The following PLEKHG1 variants were observed in gnomAD, a reference collection of about 807,000 sequenced individuals.
The protein encoded by PLEKHG1 is pleckstrin homology and RhoGEF domain containing G1, also known as pleckstrin homology domain-containing family G member 1.
In PLEKHG1, 44 loss-of-function variants were observed where a neutral mutation model predicts 100.8. That is an observed-to-expected ratio of 0.44 (90% CI 0.34 to 0.56). The LOEUF (loss-of-function observed/expected upper bound fraction) is 0.56, where lower values mean the gene tolerates loss of function less well. PLEKHG1 is among the 20% of genes least tolerant of loss of function. The pLI, the probability that PLEKHG1 is intolerant of heterozygous loss-of-function variation, is 0.01. For missense variants in PLEKHG1, 1,545 were observed against 1,720.9 expected, an observed-to-expected ratio of 0.90 and a Z score of 1.81; for synonymous variants, 640 against 662.5, an observed-to-expected ratio of 0.97 and a Z score of 0.52.
chr6:150,761,776 A>G (rs1041399377), intron 2 of PLEKHG1, among the ~76,000 whole-genome samples: 2 of 152,166 alleles, frequency 1.3e-5, no homozygotes, highest in African/African-American at 4.8e-5. Flanking sequence ...TCAAGCAAAG[A>G]TGTATTTCTC....
At chr6:150,730,764 G>C (rs57807556) in intron 1 of PLEKHG1, among the ~76,000 whole-genome samples, 1 of 151,892 alleles carries the variant, frequency 6.6e-6, no homozygotes, top group Non-Finnish European at 1.5e-5. Flanking sequence ...TTAGCTGGGC[G>C]TGGTGGCACA....
At chr6:150,650,984 G>A (rs910657254) in intron 3 of PLEKHG1, 198 bp downstream of exon 2, 4 of 152,168 alleles carry the variant, frequency 2.6e-5, no homozygotes, top group African/African-American at 9.7e-5. Context: ...ACCATGGATA[G>A]TACTGACTCT....
At chr6:150,734,412 G>A (rs1782456758) in intron 2 of PLEKHG1, among the ~76,000 whole-genome samples, 1 of 152,172 alleles carries the variant, frequency 6.6e-6, no homozygotes, top group South Asian at 2.1e-4. Context: ...GATGGAGGAG[G>A]ACTCAAGTCT....
chr6:150,748,653 C>T (rs1306294963), intron 2 of PLEKHG1, among the ~76,000 whole-genome samples: 1 of 131,692 alleles, frequency 7.6e-6, no homozygotes, highest in African/African-American at 3.0e-5. Context: ...GAGTCTTGCT[C>T]TGTCACCTAG....
chr6:150,702,557 G>GGGGTGT lies in PLEKHG1; in HGVS notation c.-98-31026_-98-31025insGGTGTG, dbSNP rs1554261632. 1.6e-3 allele frequency among the ~76,000 whole-genome samples: 223 copies of GGGGTGT among 142,918 alleles called. 1 individual carries two copies. Among genetic ancestry groups the GGGGTGT allele is most frequent in the Middle Eastern group, 3.5e-3 (1 of 282 alleles). The allele number at this position is 142,918 out of a possible 152,430, so 93.8% of individuals were successfully genotyped here. The stretch of plus-strand genomic sequence containing the variant: ...AGCAGTACTTCTCATTTTGTTTTGG[G>GGGGTGT]GTGTGTGTGTGTGTGTGTGTGTGTG... On this transcript the variant is annotated intron_variant, in intron 3 of 3. Transcript: ENST00000367326.
chr6:150,635,375 G>A (rs1055086673), intron 1 of PLEKHG1, among the ~76,000 whole-genome samples: 3 of 152,114 alleles, frequency 2.0e-5, no homozygotes, highest in African/African-American at 7.2e-5. Context: ...AAATAGAAAA[G>A]TCATGAGTGG....
chr6:150,768,608 T>C, intron 2 of PLEKHG1, 30 bp from the exon 4 acceptor site: 1 of 1,218,148 alleles, frequency 8.2e-7, no homozygotes, highest in Non-Finnish European at 1.2e-6. Context: ...GACAGGAGTG[T>C]TTAAGGCATC....
chr6:150,825,815 T>A lies in PLEKHG1; in HGVS notation c.1470+2139T>A, dbSNP rs182231615. On this transcript the variant is annotated intron_variant, in intron 14 of 15. Coordinates refer to ENST00000358517, the Ensembl canonical transcript of PLEKHG1. ...CTAATTTACAGAACTGTTAAAAAGA[T>A]TAAATGCAACATGTTCTTAAAAGTG... Among the ~76,000 whole-genome samples, 3 of 152,312 alleles carry A rather than the reference T, an allele frequency of 2.0e-5. No homozygotes were observed. In the East Asian group the frequency reaches 5.8e-4, roughly 29 times the overall value.
chr6:150,831,668 G>A lies in PLEKHG1; in HGVS notation c.2557G>A (p.Ala853Thr), dbSNP rs749476022. 1 of 1,612,920 alleles carries A rather than the reference G, an allele frequency of 6.2e-7. No homozygotes were observed. The highest frequency in any genetic ancestry group is 1.1e-5 in the South Asian group (1 of 91,090). ...TTACATCAAGAAAAATGAAGACAAG[G>A]CCAGAGACCGTCTCCTGGCAGCGTT... The change falls in exon 15 of 16, where the codon GCC becomes ACC. Residue 853 changes from alanine (A) to threonine (T), a missense_variant. By Grantham distance (58) the Ala-to-Thr change is moderately conservative. Coordinates refer to ENST00000358517, the Ensembl canonical transcript of PLEKHG1. The surrounding 1 kb of genome is among the most constrained non-coding windows in gnomAD (Gnocchi z 4.1).
At chr6:150,681,489 C>T (rs975116116) in intron 3 of PLEKHG1, among the ~76,000 whole-genome samples, 3 of 144,848 alleles carry the variant, frequency 2.1e-5, no homozygotes, top group Admixed American at 7.1e-5. Flanking sequence ...GGCGACAGAG[C>T]GTGACTCTGT....
intron 1 of PLEKHG1, among the ~76,000 whole-genome samples, chr6:150,630,700 T>A (rs1284698241): frequency 1.3e-5 from 2 of 151,860 alleles, no homozygotes; most frequent in Non-Finnish European, 2.9e-5. Context: ...AGGGGGCCGG[T>A]GTGGAAATAC....
At chr6:150,766,527 A>C (rs1483018955) in intron 2 of PLEKHG1, among the ~76,000 whole-genome samples, 1 of 152,252 alleles carries the variant, frequency 6.6e-6, no homozygotes, top group Admixed American at 6.5e-5. Context: ...GGGGGGGAAC[A>C]AGTTATGACC....
At chr6:150,770,951 T>G (rs754059045) in intron 3 of PLEKHG1, among the ~76,000 whole-genome samples, 2 of 152,222 alleles carry the variant, frequency 1.3e-5, no homozygotes, top group Non-Finnish European at 2.9e-5. Context: ...CATTTTCATT[T>G]CATATGCATT....
chr6:150,694,973 A>G (rs1332989887), intron 3 of PLEKHG1, among the ~76,000 whole-genome samples: 1 of 152,180 alleles, frequency 6.6e-6, no homozygotes, highest in African/African-American at 2.4e-5. Context: ...ACTAGAATCA[A>G]TGGTATTTTA....
chr6:150,722,352 T>TC (rs1491065146), intron 1 of PLEKHG1, among the ~76,000 whole-genome samples: 1 of 19,398 alleles, frequency 5.2e-5, no homozygotes, highest in African/African-American at 9.0e-5. Context: ...TTCTTTTCTT[T>TC]TTTTTTTTTT....
At chr6:150,623,642 C>A (rs952948256) in intron 1 of PLEKHG1, among the ~76,000 whole-genome samples, 1 of 152,238 alleles carries the variant, frequency 6.6e-6, no homozygotes, top group African/African-American at 2.4e-5. Flanking sequence ...TCAGGCCCCC[C>A]ACGTGTGCAC....
At chr6:150,624,892 A>T (rs923584901) in intron 1 of PLEKHG1, 1 of 152,140 alleles carries the variant, frequency 6.6e-6, no homozygotes, top group Non-Finnish European at 1.5e-5. Context: ...AAATTTGGTT[A>T]ATTAAAGATT....
At chr6:150,611,533 C>T (rs368064245) in intron 1 of PLEKHG1, among the ~76,000 whole-genome samples, 21 of 152,144 alleles carry the variant, frequency 1.4e-4, no homozygotes, top group Non-Finnish European at 2.2e-4. Context: ...AAATGGTGGC[C>T]GGGCGAGGTG....
At position 150,745,952 on chromosome 6, in the gene PLEKHG1, A is replaced by G. The variant is rs138976526; in HGVS notation, c.411+11860A>G. Among the ~76,000 whole-genome samples, 44 of 152,284 alleles carry G rather than the reference A, an allele frequency of 2.9e-4. No homozygotes were observed. In the East Asian group the frequency reaches 8.3e-3, roughly 29 times the overall value. On this transcript the variant is annotated intron_variant, in intron 2 of 15. Transcript: ENST00000358517. ...AGAGAGGGAGAAAAAGATTAAAAGAATAGAGAACAAAGAAGAAAAATATAA... is the reference window on the plus strand; with the variant it reads ...AGAGAGGGAGAAAAAGATTAAAAGAGTAGAGAACAAAGAAGAAAAATATAA...
Sources: allele counts gnomAD v4.1 joint callset (sites outside exome capture counted in the v4.1 genomes callset), GRCh38; gene constraint gnomAD v4.1.1; non-coding constraint Gnocchi (gnomAD v3.1); transcripts MANE v1.5; gene names NCBI Gene and HGNC (gene_info 2026-07-23, HGNC 2026-07-21).